The following SLIT3 variants were observed in gnomAD, a reference collection of about 807,000 sequenced individuals.
SLIT3 encodes the protein slit homolog 3 protein.
A neutral mutation model predicts 184.0 loss-of-function variants in SLIT3; 68 were observed. The observed-to-expected ratio is 0.37, with a 90% CI of 0.30 to 0.45. The LOEUF (loss-of-function observed/expected upper bound fraction) is 0.45. Ranked by LOEUF, SLIT3 falls within the 20% of genes least tolerant of loss-of-function variation. SLIT3 has a pLI of 1.00. For missense variants in SLIT3, 1,707 were observed against 2,026.0 expected (o/e 0.84, Z 3.02); for synonymous variants, 831 against 828.6 (o/e 1.00, Z -0.05).
intron 33 of SLIT3, among the ~76,000 whole-genome samples, chr5:168,672,446 G>C (rs947818477): frequency 2.0e-5 from 3 of 152,186 alleles, no homozygotes; most frequent in African/African-American, 7.2e-5. Flanking sequence ...TTCAGGCCCA[G>C]AGTCTGCCTA....
intron 1 of SLIT3, among the ~76,000 whole-genome samples, chr5:169,295,156 C>T (rs1214419967): frequency 2.6e-5 from 4 of 152,210 alleles, no homozygotes; most frequent in Admixed American, 1.3e-4. Flanking sequence ...ACAAAAGCTA[C>T]GATGTCACTA....
intron 4 of SLIT3, among the ~76,000 whole-genome samples, chr5:168,904,856 C>T (rs1251876510): frequency 6.6e-6 from 1 of 152,100 alleles, no homozygotes; most frequent in East Asian, 1.9e-4. Context: ...TACAAACTCA[C>T]AGCCTTCTTT....
rs143556805 is a variant in SLIT3 at position 169,251,412 on chromosome 5, G to T, written c.245C>A (p.Ala82Asp). Residue 82 changes from alanine (A) to aspartate (D), a missense_variant, in exon 2 of 36, where the codon GCT becomes GAT. Around this residue, in one of 3 missense-constraint regions of SLIT3, gnomAD observed 1,307 missense variants for 1,511.6 expected, o/e 0.86. Coordinates refer to ENST00000519560, the MANE Select transcript of SLIT3 (RefSeq NM_003062.4). ...NITRITKMDF[A>D]GLKNLRVLHL... ...CAAGACTCGGAGGTTCTTGAGCCCAGCGAAGTCCATCTTGGTGATCCTGGT... is the reference window on the plus strand; with the variant it reads ...CAAGACTCGGAGGTTCTTGAGCCCATCGAAGTCCATCTTGGTGATCCTGGT... 1 of 1,613,306 alleles carries T rather than the reference G, an allele frequency of 6.2e-7. No homozygotes were observed. Among genetic ancestry groups the T allele is most frequent in the African/African-American group, 1.3e-5 (1 of 74,898 alleles).
At chr5:169,132,634 G>A (rs894540256) in intron 4 of SLIT3, among the ~76,000 whole-genome samples, 1 of 152,112 alleles carries the variant, frequency 6.6e-6, no homozygotes, top group Admixed American at 6.5e-5. Context: ...AACTAAGCAG[G>A]AACCAGGACT....
At chr5:169,064,940 CT>C (rs1404746424) in intron 4 of SLIT3, among the ~76,000 whole-genome samples, 3 of 152,196 alleles carry the variant, frequency 2.0e-5, no homozygotes, top group Non-Finnish European at 4.4e-5. Context: ...AGAACCCAGC[CT>C]AATTGCTTGC....
intron 4 of SLIT3, among the ~76,000 whole-genome samples, chr5:168,925,577 G>T (rs1279724973): frequency 6.6e-6 from 1 of 151,630 alleles, no homozygotes; most frequent in Non-Finnish European, 1.5e-5. Flanking sequence ...GTCATTTCTA[G>T]CATTCCCATC....
intron 5 of SLIT3, among the ~76,000 whole-genome samples, chr5:168,882,843 A>G (rs1193637844): frequency 6.6e-6 from 1 of 152,164 alleles, no homozygotes; most frequent in Non-Finnish European, 1.5e-5. Context: ...CAGCACCATC[A>G]TCGTCAAGGT....
chr5:168,812,980 G>A (rs1581108016), intron 8 of SLIT3, among the ~76,000 whole-genome samples: 2 of 152,048 alleles, frequency 1.3e-5, no homozygotes, highest in South Asian at 4.2e-4. Flanking sequence ...TGCTTATTGA[G>A]AGGCTATTAG....
At chr5:169,297,205 G>A (rs1433478552) in intron 1 of SLIT3, among the ~76,000 whole-genome samples, 1 of 152,188 alleles carries the variant, frequency 6.6e-6, no homozygotes, top group African/African-American at 2.4e-5. Flanking sequence ...TAGCTTTCTT[G>A]TGGGTGTCAC....
At position 168,806,603 on chromosome 5, in the gene SLIT3, A is replaced by T; in HGVS notation, c.794-16T>A. The stretch of plus-strand genomic sequence containing the variant: ...GAGTGGGGGGCTGTGGAGCCAAGAC[A>T]CAACGGTCAACTTATGTCAGTGTCA... On this transcript the variant is annotated splice_polypyrimidine_tract_variant and intron_variant, in intron 8 of 35. Coordinates refer to ENST00000519560, the MANE Select transcript of SLIT3 (RefSeq NM_003062.4). 1 of 1,613,930 alleles carries T rather than the reference A, an allele frequency of 6.2e-7. No homozygotes were observed. Among genetic ancestry groups the T allele is most frequent in the Non-Finnish European group, 8.5e-7 (1 of 1,179,888 alleles).
chr5:168,781,813 G>A (rs1334365822), intron 12 of SLIT3, among the ~76,000 whole-genome samples: 1 of 152,164 alleles, frequency 6.6e-6, no homozygotes, highest in Admixed American at 6.5e-5. Flanking sequence ...GGATGGATGT[G>A]CTGTGGTTAA....
At position 169,240,069 on chromosome 5, in the gene SLIT3, T is replaced by C. The variant is rs74586365; in HGVS notation, c.341+4636A>G. ...GTATATTACTGAATCTCAAAATATT[T>C]TGGATTTTTCTACTTTTCTTATTAA... On this transcript the variant is annotated intron_variant, in intron 3 of 35. Transcript: ENST00000519560. Among the ~76,000 whole-genome samples the C allele has an allele frequency of 3.3e-3, 507 of 152,142 alleles. 2 individuals carry two copies. Among genetic ancestry groups the C allele is most frequent in the African/African-American group, 0.012 (484 of 41,568 alleles).
At chr5:169,013,859 A>G (rs2113464906) in intron 4 of SLIT3, among the ~76,000 whole-genome samples, 1 of 152,268 alleles carries the variant, frequency 6.6e-6, no homozygotes, top group African/African-American at 2.4e-5. Context: ...CTTACTCTAA[A>G]GTGCCTGGTT....
At chr5:168,924,833 G>T (rs1169837364) in intron 4 of SLIT3, among the ~76,000 whole-genome samples, 1 of 152,112 alleles carries the variant, frequency 6.6e-6, no homozygotes. Context: ...TTTGAGCCTT[G>T]TTTCTAATTG....
chr5:168,972,337 ATGTG>A lies in SLIT3; in HGVS notation c.414-89005_414-89002del, dbSNP rs60588036. ...TGTTGATGGCTAGCTGCAGGACAAC[ATGTG>A]TGTGTGTGTGTGTGTGTGTGTGTGT... On this transcript the variant is annotated intron_variant, in intron 4 of 35. Transcript: ENST00000519560. Among the ~76,000 whole-genome samples the A allele has an allele frequency of 1.2e-3, 140 of 118,320 alleles. 1 individual carries two copies. Among genetic ancestry groups the A allele is most frequent in the African/African-American group, 4.6e-3 (123 of 26,760 alleles). 77.6% of individuals were successfully genotyped at this position (118,320 alleles called of 152,430 possible).
intron 9 of SLIT3, among the ~76,000 whole-genome samples, chr5:168,805,251 T>C (rs1431225522): frequency 1.3e-5 from 2 of 150,594 alleles, no homozygotes; most frequent in African/African-American, 4.9e-5. Context: ...CAAGAATGAA[T>C]GAAGGAGTCA....
intron 4 of SLIT3, among the ~76,000 whole-genome samples, chr5:169,128,247 C>CATTTATATATATATACATATATAT (rs970240528): frequency 1.4e-4 from 20 of 147,176 alleles, no homozygotes; most frequent in South Asian, 4.2e-4. Context: ...CACACACACA[C>CATTTATATATATATACATATATAT]ATTTATATAT....
intron 4 of SLIT3, among the ~76,000 whole-genome samples, chr5:169,163,118 C>G (rs1762530051): frequency 6.6e-6 from 1 of 151,900 alleles, no homozygotes; most frequent in African/African-American, 2.4e-5. Context: ...GTCAGGTGTT[C>G]GAGACCAGCC....
chr5:169,183,103 C>A (rs297875), intron 4 of SLIT3, among the ~76,000 whole-genome samples: 1 of 151,958 alleles, frequency 6.6e-6, no homozygotes, highest in Non-Finnish European at 1.5e-5. Flanking sequence ...GGGTTCTATA[C>A]TCAGCATCCC....
Sources: gnomAD v4.1 joint callset for allele counts (sites outside exome capture counted in the v4.1 genomes callset) on GRCh38, gnomAD v4.1.1 for gene constraint, gnomAD v4.1.1 regional missense constraint, MANE v1.5 for transcripts, NCBI Gene and HGNC (gene_info 2026-07-23, HGNC 2026-07-21) for gene names.